Variants in PTPRD observed in about 807,000 individuals in gnomAD.
PTPRD encodes the protein receptor-type tyrosine-protein phosphatase delta.
A neutral mutation model predicts 214.5 loss-of-function variants in PTPRD; 34 were observed. That is an observed-to-expected ratio of 0.16 (90% CI 0.12 to 0.21). PTPRD has a LOEUF of 0.21. Ranked by LOEUF, PTPRD falls within the 10% of genes least tolerant of loss-of-function variation. PTPRD has a pLI of 1.00. For synonymous variants in PTPRD, 1,128 were observed against 845.7 expected, an observed-to-expected ratio of 1.33 and a Z score of -5.79; for missense variants, 2,545 against 2,398.7, an observed-to-expected ratio of 1.06 and a Z score of -1.27.
In PTPRD at chr9:8,317,904, G is replaced by GTACTC; in HGVS notation, c.5704_5708dup (p.Tyr1903Ter). 3 of 1,612,178 alleles carry GTACTC rather than the reference G, an allele frequency of 1.9e-6. No homozygotes were observed. The highest frequency in any genetic ancestry group is 2.2e-5 in the South Asian group (2 of 91,050). On this transcript the variant is annotated stop_gained and frameshift_variant, in exon 46 of 46. Transcript: ENST00000381196. LOFTEE classifies it high-confidence loss of function. ...TTGCATAGTGGTCAAAGCTGCCCAG[G>GTACTC]TACTCTAGTGCGGCACGATAGGAAA...
chr9:8,968,649 A>G (rs1004471407), intron 11 of PTPRD, among the ~76,000 whole-genome samples: 8 of 152,058 alleles, frequency 5.3e-5, no homozygotes, highest in African/African-American at 1.7e-4. Flanking sequence ...AGTTATTTAA[A>G]GGTTAAGTTA....
Position 9,905,875 on chromosome 9 carries a change from G to C in PTPRD, c.-368+32632C>G, listed in dbSNP as rs140508253. 1.1e-4 allele frequency among the ~76,000 whole-genome samples: 17 copies of C among 152,106 alleles called. 1 individual carries two copies. The highest frequency in any genetic ancestry group is 3.9e-4 in the African/African-American group (16 of 41,546). ...CTAAGGTATAAGTGCAAACTCATGA[G>C]GAACCTGCCTTGACTGGAGAAGCAT... On this transcript the variant is annotated intron_variant, in intron 5 of 45. Coordinates refer to ENST00000381196, the MANE Select transcript of PTPRD (RefSeq NM_002839.4).
chr9:8,538,530 T>C (rs2077501609), intron 14 of PTPRD, among the ~76,000 whole-genome samples: 2 of 151,598 alleles, frequency 1.3e-5, no homozygotes, highest in African/African-American at 2.4e-5. Context: ...CATCAAATGT[T>C]ATAAAAAAAA....
At chr9:9,332,523 A>G (rs1345907179) in intron 9 of PTPRD, among the ~76,000 whole-genome samples, 2 of 151,834 alleles carry the variant, frequency 1.3e-5, no homozygotes, top group African/African-American at 2.4e-5. Context: ...GAGGAAAGAT[A>G]ATCTGTTTCA....
intron 43 of PTPRD, among the ~76,000 whole-genome samples, chr9:8,333,902 G>A (rs1844009592): frequency 6.6e-6 from 1 of 151,944 alleles, no homozygotes; most frequent in Non-Finnish European, 1.5e-5. Context: ...TAAAACTGAT[G>A]ACTTTAAACC....
intron 8 of PTPRD, among the ~76,000 whole-genome samples, chr9:9,432,941 C>T (rs1588282281): frequency 6.6e-6 from 1 of 152,108 alleles, no homozygotes; most frequent in African/African-American, 2.4e-5. Context: ...TTCAAATATT[C>T]ACTAAGAGCA....
chr9:10,013,753 A>C (rs1489746785), intron 4 of PTPRD, among the ~76,000 whole-genome samples: 1 of 151,978 alleles, frequency 6.6e-6, no homozygotes, highest in Non-Finnish European at 1.5e-5. Context: ...TGCTGTTTCA[A>C]TGAAAGATAT....
chr9:9,675,422 A>G (rs1309123864), intron 7 of PTPRD, among the ~76,000 whole-genome samples: 4 of 151,852 alleles, frequency 2.6e-5, no homozygotes, highest in African/African-American at 7.2e-5. Context: ...ATAGAAAACA[A>G]TAATACAGAG....
intron 3 of PTPRD, among the ~76,000 whole-genome samples, chr9:10,073,065 C>T (rs934392178): frequency 1.3e-5 from 2 of 151,986 alleles, no homozygotes; most frequent in East Asian, 1.9e-4. Context: ...CAAACCAGTC[C>T]AAAATGGTGA....
chr9:10,088,207 C>T (rs940686962), intron 3 of PTPRD, among the ~76,000 whole-genome samples: 1 of 151,736 alleles, frequency 6.6e-6, no homozygotes, highest in African/African-American at 2.4e-5. Context: ...ATCTTCATGA[C>T]AATCCACAAA....
chr9:9,455,591 T>A (rs572935862), intron 8 of PTPRD, among the ~76,000 whole-genome samples: 135 of 151,734 alleles, frequency 8.9e-4, no homozygotes, highest in African/African-American at 3.1e-3. Flanking sequence ...TACTCAGCTG[T>A]GTTAATTAGC....
At chr9:10,296,251 C>T (rs2095669029) in intron 3 of PTPRD, among the ~76,000 whole-genome samples, 1 of 151,946 alleles carries the variant, frequency 6.6e-6, no homozygotes, top group Non-Finnish European at 1.5e-5. Context: ...TGAAACCAAC[C>T]CAATAGTCAC....
Position 8,506,247 on chromosome 9 carries a change from AT to A in PTPRD, c.1677+1053del, listed in dbSNP as rs201498377. On this transcript the variant is annotated intron_variant, in intron 22 of 45. Coordinates refer to ENST00000381196, the MANE Select transcript of PTPRD (RefSeq NM_002839.4). Reference sequence around the variant, plus strand: ...ACAGGGACTGTTTCACTTTGTGAAGATTTTTTTTTCAGATAAAAAATGCTAA... The same window carrying A: ...ACAGGGACTGTTTCACTTTGTGAAGATTTTTTTTCAGATAAAAAATGCTAA... 5.2e-4 allele frequency among the ~76,000 whole-genome samples: 79 copies of A among 151,674 alleles called. 1 individual carries two copies. The East Asian group carries it at 0.014, about 26-fold the overall frequency.
intron 8 of PTPRD, among the ~76,000 whole-genome samples, chr9:9,419,126 T>TACACACACAC (rs1367814167): frequency 7.2e-5 from 5 of 69,234 alleles, no homozygotes; most frequent in Non-Finnish European, 1.1e-4. Context: ...ATAGGCCCCT[T>TACACACACAC]ATACACACAC....
At position 9,138,949 on chromosome 9, in the gene PTPRD, C is replaced by T. The variant is rs116586135; in HGVS notation, c.-143+44355G>A. On this transcript the variant is annotated intron_variant, in intron 10 of 45. Coordinates refer to ENST00000381196, the MANE Select transcript of PTPRD (RefSeq NM_002839.4). ...TAGACACTAAGTAATAGCATAATAA[C>T]AATAATAGTTACAGTAATCTTCATT... Among the ~76,000 whole-genome samples the T allele has an allele frequency of 6.9e-3, 1,044 of 152,060 alleles. 9 individuals carry two copies. Among genetic ancestry groups the T allele is most frequent in the African/African-American group, 0.024 (980 of 41,474 alleles).
At chr9:9,156,040 C>T (rs1227151496) in intron 10 of PTPRD, among the ~76,000 whole-genome samples, 3 of 152,092 alleles carry the variant, frequency 2.0e-5, no homozygotes, top group Non-Finnish European at 4.4e-5. Context: ...GAGGGTTATG[C>T]TTTCAGCCTT....
At chr9:9,767,799 A>G (rs1273258940) in intron 5 of PTPRD, among the ~76,000 whole-genome samples, 1 of 152,162 alleles carries the variant, frequency 6.6e-6, no homozygotes, top group Non-Finnish European at 1.5e-5. Context: ...TCCATATTTA[A>G]TATTCTCAAA....
chr9:10,534,116 C>G (rs920723542), intron 2 of PTPRD, among the ~76,000 whole-genome samples: 35 of 151,206 alleles, frequency 2.3e-4, no homozygotes, highest in African/African-American at 6.5e-4. Flanking sequence ...TAAGGGAAAC[C>G]CTTACTATCA....
At chr9:9,354,756 A>G (rs1327106116) in intron 9 of PTPRD, among the ~76,000 whole-genome samples, 1 of 151,816 alleles carries the variant, frequency 6.6e-6, no homozygotes, top group African/African-American at 2.4e-5. Context: ...GTAAGATAGC[A>G]TGAAGTGGGG....
Sources: gnomAD v4.1 joint callset for allele counts (sites outside exome capture counted in the v4.1 genomes callset) on GRCh38, gnomAD v4.1.1 for gene constraint, MANE v1.5 for transcripts, NCBI Gene and HGNC (gene_info 2026-07-23, HGNC 2026-07-21) for gene names.